Variants in RRN3 observed in about 807,000 individuals in gnomAD.
The protein encoded by RRN3 is RNA polymerase I transcription factor RRN3.
Under a neutral mutation model 82.3 loss-of-function variants are expected in RRN3, and 38 were observed. The observed-to-expected ratio is 0.46, with a 90% CI of 0.36 to 0.61. The LOEUF is 0.61. Ranked by LOEUF, RRN3 falls within the 20% of genes least tolerant of loss-of-function variation. The probability of loss-of-function intolerance (pLI) is 0.00; values close to 1 mark genes in which losing one functional copy is unlikely to be tolerated. For synonymous variants in RRN3, 284 were observed against 284.3 expected, an observed-to-expected ratio of 1.00 and a Z score of 0.01; for missense variants, 726 against 793.1, an observed-to-expected ratio of 0.92 and a Z score of 1.02.
At chr16:15,084,470 T>C (rs1243406492) in intron 7 of RRN3, among the ~76,000 whole-genome samples, 172 bp downstream of exon 7, 3 of 152,032 alleles carry the variant, frequency 2.0e-5, no homozygotes, top group East Asian at 1.9e-4. Flanking sequence ...AGAGAATAAA[T>C]AGAAAATGGA....
chr16:15,084,357 C>T (rs2045830362), intron 7 of RRN3, among the ~76,000 whole-genome samples: 1 of 152,118 alleles, frequency 6.6e-6, no homozygotes, highest in African/African-American at 2.4e-5. Context: ...GGGTTTCTCA[C>T]TGAAAAATTT....
Position 15,072,990 on chromosome 16 carries a change from T to A in RRN3, c.1088A>T (p.His363Leu), listed in dbSNP as rs775980110. The A allele has an allele frequency of 6.2e-7, 1 of 1,613,608 alleles. No homozygotes were observed. Among genetic ancestry groups the A allele is most frequent in the African/African-American group, 1.3e-5 (1 of 74,896 alleles). ...KLLLPTHASCHVQFFMFYLCS... is the reference protein window; with the variant it reads ...KLLLPTHASCLVQFFMFYLCS... ...GAGGTAAAACATGAAAAACTGTACA[T>A]GGCAGGAGGCATGGGTGGGCAACAG... Residue 363 changes from histidine to leucine, a missense_variant, in exon 12 of 18, where the codon CAT becomes CTT. By Grantham distance (99) the His-to-Leu change is moderately conservative. Transcript: ENST00000198767.
rs1377351020 is a variant in RRN3, at chr16:15,087,727, G to C, written c.253-1273C>G. On this transcript the variant is annotated intron_variant, in intron 3 of 17. Transcript: ENST00000198767. The stretch of plus-strand genomic sequence containing the variant: ...CAAAGGCATGTAGAAAACAAGCTAA[G>C]TTAGTGTACAAATAAAATAAACTAT... 3.3e-5 allele frequency among the ~76,000 whole-genome samples: 5 copies of C among 152,204 alleles called. No homozygotes were observed. In the East Asian group the frequency reaches 9.6e-4, roughly 29 times the overall value.
At chr16:15,063,715 A>G (rs1442600661) in intron 16 of RRN3, among the ~76,000 whole-genome samples, 1 of 150,990 alleles carries the variant, frequency 6.6e-6, no homozygotes, top group East Asian at 1.9e-4. Flanking sequence ...AAAAAAAAAA[A>G]AAAAAAAGAA....
intron 9 of RRN3, among the ~76,000 whole-genome samples, chr16:15,077,242 G>A (rs1279062135): frequency 1.3e-5 from 2 of 152,012 alleles, no homozygotes; most frequent in Admixed American, 1.3e-4. Context: ...GCTTCCCAAA[G>A]TGCTGGAATT....
intron 3 of RRN3, among the ~76,000 whole-genome samples, chr16:15,089,571 C>T (rs777436076): frequency 2.6e-5 from 4 of 152,054 alleles, no homozygotes; most frequent in East Asian, 3.9e-4. Flanking sequence ...GAGGCCAAGG[C>T]GGGCGGATCA....
At chr16:15,089,615 A>G (rs1197072088) in intron 3 of RRN3, among the ~76,000 whole-genome samples, 2 of 151,720 alleles carry the variant, frequency 1.3e-5, no homozygotes, top group Admixed American at 6.6e-5. Context: ...CCTGGCTAAC[A>G]TGGTGAAACC....
chr16:15,068,988 T>A (rs1407887534), intron 14 of RRN3, among the ~76,000 whole-genome samples: 1 of 152,170 alleles, frequency 6.6e-6, no homozygotes. Context: ...TAATCCAGAT[T>A]CCTGGCATTA....
intron 3 of RRN3, among the ~76,000 whole-genome samples, chr16:15,090,321 C>T (rs1325571095): frequency 6.6e-6 from 1 of 152,070 alleles, no homozygotes; most frequent in Non-Finnish European, 1.5e-5. Context: ...AGAAATGATA[C>T]AGCGCAGTCA....
In RRN3 at chr16:15,060,706, GAGA is replaced by G. The variant is rs2044679186; in HGVS notation, c.*1035_*1037del. 6.6e-6 allele frequency: 1 copy of G among 152,402 alleles called. No individual in the cohort carries two copies. The allele number at this position is 152,402 out of a possible 1,614,324, so 9.4% of individuals were successfully genotyped here. The stretch of plus-strand genomic sequence containing the variant: ...TATAAAAATACAAAAAGAGGCTTTA[GAGA>G]AGGATTTCACCAAGCCGAATGTGCG... On this transcript the variant is annotated 3_prime_UTR_variant, in exon 18 of 18. Transcript: ENST00000198767.
At position 15,094,193 on chromosome 16, in the gene RRN3, G is replaced by C. The variant is rs1215831699; in HGVS notation, c.41C>G (p.Ala14Gly). ...PLLHTRLPGD[A>G]AASSSAVKKL... ...CTTAACTGCAGAGGACGAAGCGGCC[G>C]CATCTCCCGGCAAACGCGTGTGAAG... The change falls in exon 1 of 18, where the codon GCG becomes GGG. Residue 14 changes from alanine (A) to glycine (G), a missense_variant. This residue lies in a region of RRN3 where 135 missense variants were observed against 87.4 expected (regional missense o/e 1.55). Transcript: ENST00000198767. 1 of 1,599,926 alleles carries C rather than the reference G, an allele frequency of 6.3e-7. No homozygotes were observed. The highest frequency in any genetic ancestry group is 1.3e-5 in the African/African-American group (1 of 74,922).
At chr16:15,077,602 GA>G (rs2045516235) in intron 9 of RRN3, among the ~76,000 whole-genome samples, 1 of 152,180 alleles carries the variant, frequency 6.6e-6, no homozygotes, top group Non-Finnish European at 1.5e-5. Flanking sequence ...AGCTCTTTGG[GA>G]GGCCGAGGTG....
intron 3 of RRN3, among the ~76,000 whole-genome samples, chr16:15,089,930 T>C: frequency 6.7e-6 from 1 of 150,286 alleles, no homozygotes. Context: ...CCACTGAGGC[T>C]GGGCTCAGTG....
At chr16:15,073,957 G>A (rs1333591128) in intron 11 of RRN3, among the ~76,000 whole-genome samples, 4 of 152,070 alleles carry the variant, frequency 2.6e-5, no homozygotes, top group Non-Finnish European at 5.9e-5. Context: ...TCCATGTAAA[G>A]GGCAGATTAT....
chr16:15,081,123 C>G (rs1010160183), intron 8 of RRN3, among the ~76,000 whole-genome samples: 1 of 152,182 alleles, frequency 6.6e-6, no homozygotes, highest in South Asian at 2.1e-4. Context: ...CATCAGTTGA[C>G]AGACATTTGA....
At chr16:15,081,662 TAAC>T (rs913288340) in intron 8 of RRN3, among the ~76,000 whole-genome samples, 3 of 152,202 alleles carry the variant, frequency 2.0e-5, no homozygotes, top group African/African-American at 7.2e-5. Context: ...CTATGAAGCA[TAAC>T]AACGTTTAAT....
At chr16:15,077,091 T>C (rs1241943588) in intron 9 of RRN3, among the ~76,000 whole-genome samples, 1 of 151,808 alleles carries the variant, frequency 6.6e-6, no homozygotes. Flanking sequence ...GAGATTCTCC[T>C]GCCTCAGCCT....
chr16:15,077,404 C>T (rs958734954), intron 9 of RRN3, among the ~76,000 whole-genome samples: 1 of 152,014 alleles, frequency 6.6e-6, no homozygotes, highest in African/African-American at 2.4e-5. Context: ...GTGAATAAGT[C>T]TCAAGAGATC....
intron 10 of RRN3, 120 bp from the exon 11 acceptor site, chr16:15,074,981 G>A (rs956906098): frequency 3.5e-5 from 36 of 1,035,104 alleles, no homozygotes; most frequent in Middle Eastern, 6.4e-4. Context: ...TGGGGAAAGC[G>A]GCTCACATCT....
Sources: gnomAD v4.1 joint callset for allele counts (sites outside exome capture counted in the v4.1 genomes callset) on GRCh38, gnomAD v4.1.1 for gene constraint, gnomAD v4.1.1 regional missense constraint, MANE v1.5 for transcripts, NCBI Gene and HGNC (gene_info 2026-07-23, HGNC 2026-07-21) for gene names.